Variants in PTPRO observed in about 807,000 individuals in gnomAD.
PTPRO encodes protein tyrosine phosphatase receptor type O.
Under a neutral mutation model 145.2 loss-of-function variants are expected in PTPRO, and 62 were observed. The observed-to-expected ratio is 0.43, with a 90% CI of 0.35 to 0.53. PTPRO has a LOEUF of 0.53. PTPRO is among the 20% of genes least tolerant of loss of function. The pLI is 0.01. For synonymous variants in PTPRO, 565 were observed against 514.7 expected, an observed-to-expected ratio of 1.10 and a Z score of -1.32; for missense variants, 1,345 against 1,482.7, an observed-to-expected ratio of 0.91 and a Z score of 1.53.
At chr12:15,388,081 G>A (rs979203365) in intron 1 of PTPRO, among the ~76,000 whole-genome samples, 4 of 152,098 alleles carry the variant, frequency 2.6e-5, no homozygotes, top group African/African-American at 9.7e-5. Context: ...AGCCAATGCA[G>A]AAGGCCTCAG....
intron 1 of PTPRO, among the ~76,000 whole-genome samples, chr12:15,430,341 G>T (rs1460890740): frequency 2.6e-5 from 4 of 152,044 alleles, no homozygotes; most frequent in Non-Finnish European, 5.9e-5. Context: ...TCTGTTGGGA[G>T]TTTGTACTAT....
intron 1 of PTPRO, among the ~76,000 whole-genome samples, chr12:15,400,245 C>A (rs763994251): frequency 1.3e-5 from 2 of 151,810 alleles, no homozygotes; most frequent in Non-Finnish European, 2.9e-5. Context: ...CCCGCCTTGG[C>A]CTCCCAACGT....
intron 1 of PTPRO, among the ~76,000 whole-genome samples, chr12:15,478,091 G>A (rs1011957009): frequency 2.6e-5 from 4 of 152,068 alleles, no homozygotes; most frequent in Non-Finnish European, 4.4e-5. Context: ...CTATTGATTC[G>A]ACACCCCCTT....
At chr12:15,588,886 G>A (rs183215177) in intron 24 of PTPRO, among the ~76,000 whole-genome samples, 102 of 152,270 alleles carry the variant, frequency 6.7e-4, no homozygotes, top group African/African-American at 2.4e-3. Context: ...AAAGGGTGTG[G>A]CCAATGCAGT....
chr12:15,344,350 C>T (rs1475509463), intron 1 of PTPRO, among the ~76,000 whole-genome samples: 1 of 152,184 alleles, frequency 6.6e-6, no homozygotes, highest in Non-Finnish European at 1.5e-5. Context: ...CTTTTCAGAG[C>T]ACTCTTTTGC....
intron 1 of PTPRO, among the ~76,000 whole-genome samples, chr12:15,464,127 A>G (rs1941363574): frequency 6.6e-6 from 1 of 152,204 alleles, no homozygotes; most frequent in African/African-American, 2.4e-5. Flanking sequence ...AAAGAGAGGA[A>G]GAAGTGAGAA....
chr12:15,469,030 T>C (rs1260430090), intron 1 of PTPRO, among the ~76,000 whole-genome samples: 1 of 152,236 alleles, frequency 6.6e-6, no homozygotes, highest in Non-Finnish European at 1.5e-5. Flanking sequence ...TGCCTAAATA[T>C]GCTGTGAGCT....
intron 8 of PTPRO, 50 bp downstream of exon 8, chr12:15,515,668 G>T (rs1942561763): frequency 1.2e-6 from 2 of 1,610,484 alleles, no homozygotes; most frequent in Non-Finnish European, 1.7e-6. Flanking sequence ...TTAGGGTATT[G>T]ACGGAGGGGT....
At chr12:15,498,794 A>G (rs1565665933) in intron 3 of PTPRO, among the ~76,000 whole-genome samples, 1 of 152,214 alleles carries the variant, frequency 6.6e-6, no homozygotes, top group East Asian at 1.9e-4. Flanking sequence ...AAATTTTAAA[A>G]TAATTAATAT....
intron 1 of PTPRO, among the ~76,000 whole-genome samples, chr12:15,333,264 A>C (rs1416871079): frequency 6.6e-6 from 1 of 152,140 alleles, no homozygotes; most frequent in Non-Finnish European, 1.5e-5. Context: ...AATCATCCCT[A>C]TCACTCTAAT....
At chr12:15,513,285 A>T (rs1942507098) in intron 7 of PTPRO, among the ~76,000 whole-genome samples, 3 of 29,538 alleles carry the variant, frequency 1.0e-4, no homozygotes, top group African/African-American at 2.3e-4. Flanking sequence ...GGAGGGAGGG[A>T]AGGAAGGAAG....
chr12:15,588,107 T>G (rs915804154), intron 24 of PTPRO, among the ~76,000 whole-genome samples: 1 of 152,206 alleles, frequency 6.6e-6, no homozygotes, highest in African/African-American at 2.4e-5. Flanking sequence ...TCAAAATGGT[T>G]CTTTTCAAGA....
chr12:15,571,350 C>T (rs1226923014), intron 19 of PTPRO, among the ~76,000 whole-genome samples: 5 of 152,110 alleles, frequency 3.3e-5, no homozygotes, highest in African/African-American at 7.2e-5. Flanking sequence ...AGCAGTGGCG[C>T]GATCTTGGCT....
At chr12:15,456,004 A>G (rs1215612571) in intron 1 of PTPRO, among the ~76,000 whole-genome samples, 1 of 152,222 alleles carries the variant, frequency 6.6e-6, no homozygotes, top group East Asian at 1.9e-4. Context: ...TTAAAACATA[A>G]TTTAAAAAGA....
chr12:15,466,916 G>A (rs1278196181), intron 1 of PTPRO, among the ~76,000 whole-genome samples: 1 of 152,186 alleles, frequency 6.6e-6, no homozygotes, highest in Non-Finnish European at 1.5e-5. Flanking sequence ...TGCAGGGAGT[G>A]TAGAATCTAT....
At chr12:15,531,035 C>T (rs1036669495) in intron 12 of PTPRO, among the ~76,000 whole-genome samples, 1 of 151,884 alleles carries the variant, frequency 6.6e-6, no homozygotes, top group Non-Finnish European at 1.5e-5. Context: ...ATAAAGTAGG[C>T]ATAATAAGAG....
At position 15,498,995 on chromosome 12, in the gene PTPRO, A is replaced by C. The variant is rs185494247; in HGVS notation, c.509-447A>C. 2.6e-5 allele frequency among the ~76,000 whole-genome samples: 4 copies of C among 152,304 alleles called. No individual in the cohort carries two copies. The East Asian group carries it at 7.7e-4, about 29-fold the overall frequency. On this transcript the variant is annotated intron_variant, in intron 3 of 26. Coordinates refer to ENST00000281171, the MANE Select transcript of PTPRO (RefSeq NM_030667.3). ...CTTTTTTTGGGCAGGTTCTGTCTGC[A>C]AACTGGCAAATAAACCAGTTTTAAA...
intron 6 of PTPRO, 109 bp from the exon 7 acceptor site, chr12:15,508,462 T>C (rs1942368616): frequency 8.4e-7 from 1 of 1,185,268 alleles, no homozygotes; most frequent in Non-Finnish European, 1.2e-6. Context: ...AATCTTTCTT[T>C]GAATCTCATT....
intron 1 of PTPRO, among the ~76,000 whole-genome samples, chr12:15,437,610 G>C (rs900227981): frequency 6.6e-6 from 1 of 152,048 alleles, no homozygotes; most frequent in Non-Finnish European, 1.5e-5. Flanking sequence ...TGCTTGCCTG[G>C]TGTGGCAACC....
Sources: gnomAD v4.1 joint callset for allele counts (sites outside exome capture counted in the v4.1 genomes callset) on GRCh38, gnomAD v4.1.1 for gene constraint, MANE v1.5 for transcripts, NCBI Gene and HGNC (gene_info 2026-07-23, HGNC 2026-07-21) for gene names.